SAMD5: variants seen among roughly 807,000 people sequenced by gnomAD.
The protein encoded by SAMD5 is sterile alpha motif domain-containing protein 5.
A neutral mutation model predicts 11.3 loss-of-function variants in SAMD5; 13 were observed. That is an observed-to-expected ratio of 1.15 (90% CI 0.75 to 1.83). The LOEUF (loss-of-function observed/expected upper bound fraction) is 1.83, where lower values mean the gene tolerates loss of function less well. Ranked by LOEUF, SAMD5 falls within the 40% of genes most tolerant of loss-of-function variation. The pLI, the probability that SAMD5 is intolerant of heterozygous loss-of-function variation, is 0.00. For synonymous variants in SAMD5, 129 were observed against 111.3 expected, an observed-to-expected ratio of 1.16 and a Z score of -1.00; for missense variants, 255 against 239.1, an observed-to-expected ratio of 1.07 and a Z score of -0.44.
chr6:147,940,892 G>T, the SAMD5 span, among the ~76,000 whole-genome samples: 12 of 152,118 alleles, frequency 7.9e-5, no homozygotes, highest in Non-Finnish European at 1.3e-4. Flanking sequence ...AACTCCGGAG[G>T]CGGAGATTGC....
At chr6:147,765,707 C>G in the SAMD5 span, among the ~76,000 whole-genome samples, 5 of 152,120 alleles carry the variant, frequency 3.3e-5, no homozygotes, top group African/African-American at 1.2e-4. Flanking sequence ...TGGTGAGGCA[C>G]GGGCTGAAGA....
At chr6:147,926,961 C>T in the SAMD5 span, among the ~76,000 whole-genome samples, 37 of 152,010 alleles carry the variant, frequency 2.4e-4, no homozygotes, top group African/African-American at 3.6e-4. Flanking sequence ...TCAGCTTTGT[C>T]GAAGATCAGA....
the SAMD5 span, among the ~76,000 whole-genome samples, chr6:147,896,513 G>A: frequency 6.6e-6 from 1 of 152,070 alleles, no homozygotes; most frequent in Non-Finnish European, 1.5e-5. Flanking sequence ...CGGAGTCTCT[G>A]CAGGATGGTT....
chr6:147,762,767 T>G, the SAMD5 span, among the ~76,000 whole-genome samples: 1 of 152,196 alleles, frequency 6.6e-6, no homozygotes, highest in Non-Finnish European at 1.5e-5. Flanking sequence ...ACTTTCACTC[T>G]ACTCCCATAT....
chr6:147,527,038 C>A (rs1313979291), intron 1 of SAMD5, among the ~76,000 whole-genome samples: 6 of 152,204 alleles, frequency 3.9e-5, no homozygotes, highest in African/African-American at 1.2e-4. Context: ...ATAGTCACCC[C>A]TTTTACTGTA....
At position 147,569,550 on chromosome 6, in the gene SAMD5, A is replaced by G. The variant is rs1222194920; in HGVS notation, c.*5094A>G. 5.4e-6 allele frequency: 5 copies of G among 923,498 alleles called. No homozygotes were observed. Among genetic ancestry groups the G allele is most frequent in the Non-Finnish European group, 6.5e-6 (5 of 773,598 alleles). 57.2% of individuals were successfully genotyped at this position (923,498 alleles called of 1,614,324 possible). On this transcript the variant is annotated 3_prime_UTR_variant, in exon 2 of 2. Transcript: ENST00000367474. ...CTGTATAATACCCTTAATTAGATGAATTATCCCTTATCATTCCAAAAATGA... is the reference window on the plus strand; with the variant it reads ...CTGTATAATACCCTTAATTAGATGAGTTATCCCTTATCATTCCAAAAATGA...
At position 147,566,063 on chromosome 6, in the gene SAMD5, G is replaced by T; in HGVS notation, c.*1607G>T. 1.0e-6 allele frequency: 1 copy of T among 984,284 alleles called. No homozygotes were observed. Among genetic ancestry groups the T allele is most frequent in the Non-Finnish European group, 1.2e-6 (1 of 828,954 alleles). The allele number at this position is 984,284 out of a possible 1,614,324, so 61.0% of individuals were successfully genotyped here. ...CTAAGAATAGATAGGCCATTAAGAA[G>T]GATATTAGGTTTCTAAGGACAATTT... On this transcript the variant is annotated 3_prime_UTR_variant, in exon 2 of 2. Coordinates refer to ENST00000367474, the MANE Select transcript of SAMD5 (RefSeq NM_001030060.3).
At chr6:147,925,857 C>A in the SAMD5 span, among the ~76,000 whole-genome samples, 2 of 151,974 alleles carry the variant, frequency 1.3e-5, no homozygotes, top group Non-Finnish European at 2.9e-5. Context: ...CAAGTAGGCC[C>A]CAGTGTTTGT....
chr6:147,559,398 GT>G (rs1239757743), intron 1 of SAMD5, among the ~76,000 whole-genome samples: 1 of 152,156 alleles, frequency 6.6e-6, no homozygotes, highest in East Asian at 1.9e-4. Context: ...GTTTCTGATA[GT>G]TTTTTTCTGA....
chr6:147,727,927 G>A (rs1288221157), intron 1 of SAMD5, among the ~76,000 whole-genome samples: 3 of 152,198 alleles, frequency 2.0e-5, no homozygotes, highest in Non-Finnish European at 4.4e-5. Flanking sequence ...TTAAATAGAA[G>A]TACAGAATCT....
At chr6:147,550,918 C>G (rs1787642265) in intron 1 of SAMD5, among the ~76,000 whole-genome samples, 1 of 147,620 alleles carries the variant, frequency 6.8e-6, no homozygotes, top group Non-Finnish European at 1.5e-5. Context: ...ATATATAAAC[C>G]CTCCCATTAT....
At chr6:147,629,822 A>G (rs1157511821) in intron 1 of SAMD5, among the ~76,000 whole-genome samples, 1 of 152,072 alleles carries the variant, frequency 6.6e-6, no homozygotes, top group African/African-American at 2.4e-5. Flanking sequence ...TCCAGCTTCG[A>G]GTGGATAAGG....
the SAMD5 span, among the ~76,000 whole-genome samples, chr6:147,789,100 CA>C: frequency 0.14 from 19,652 of 136,336 alleles, 1,585 homozygotes; most frequent in African/African-American, 0.24. Flanking sequence ...AACAAACAAA[CA>C]AAAAAAAAAA....
At chr6:147,839,890 T>C in the SAMD5 span, among the ~76,000 whole-genome samples, 2 of 152,174 alleles carry the variant, frequency 1.3e-5, no homozygotes, top group African/African-American at 4.8e-5. Flanking sequence ...ACAATAATCA[T>C]GTGAGGGAGG....
chr6:147,549,554 A>T (rs965298748), intron 1 of SAMD5, among the ~76,000 whole-genome samples: 1 of 152,268 alleles, frequency 6.6e-6, no homozygotes, highest in South Asian at 2.1e-4. Flanking sequence ...AAGGTTTTCC[A>T]TAATAGAGCA....
At chr6:147,728,408 A>C (rs1339391238) in intron 1 of SAMD5, among the ~76,000 whole-genome samples, 3 of 151,916 alleles carry the variant, frequency 2.0e-5, no homozygotes, top group Admixed American at 6.6e-5. Flanking sequence ...ACAGAACAAG[A>C]CTCCCTCTCA....
At position 147,568,806 on chromosome 6, in the gene SAMD5, C is replaced by G; in HGVS notation, c.*4350C>G. 1.0e-6 allele frequency: 1 copy of G among 957,904 alleles called. No individual in the cohort carries two copies. The highest frequency in any genetic ancestry group is 1.2e-6 in the Non-Finnish European group (1 of 804,976). 59.3% of individuals were successfully genotyped at this position (957,904 alleles called of 1,614,324 possible). On this transcript the variant is annotated 3_prime_UTR_variant, in exon 2 of 2. Transcript: ENST00000367474. ...TCAGATTCTTTGATTAAAAAATCAT[C>G]TTCAGCTTTACATTATTAATCTCTG...
intron 1 of SAMD5, among the ~76,000 whole-genome samples, chr6:147,523,992 T>C (rs561477043): frequency 6.6e-6 from 1 of 152,304 alleles, no homozygotes; most frequent in East Asian, 1.9e-4. Flanking sequence ...AATTTACTCT[T>C]TGAGACCTAC....
At chr6:147,812,947 G>A in the SAMD5 span, among the ~76,000 whole-genome samples, 1 of 152,104 alleles carries the variant, frequency 6.6e-6, no homozygotes, top group Non-Finnish European at 1.5e-5. Flanking sequence ...AAAATGATTG[G>A]CTTCACACCA....
Sources: allele counts gnomAD v4.1 joint callset (sites outside exome capture counted in the v4.1 genomes callset), GRCh38; gene constraint gnomAD v4.1.1; transcripts MANE v1.5; gene names NCBI Gene and HGNC (gene_info 2026-07-23, HGNC 2026-07-21).